The following NRG3 variants were observed in gnomAD, a reference collection of about 807,000 sequenced individuals.
NRG3 encodes the protein pro-neuregulin-3, membrane-bound isoform.
NRG3 carries 31 observed loss-of-function variants against 66.9 expected under a neutral mutation model. That is an observed-to-expected ratio of 0.46 (90% CI 0.35 to 0.63). The LOEUF is 0.63. NRG3 is among the 20% of genes least tolerant of loss of function. The probability of loss-of-function intolerance (pLI) is 0.00; values close to 1 mark genes in which losing one functional copy is unlikely to be tolerated. For synonymous variants in NRG3, 393 were observed against 359.4 expected (o/e 1.09, Z -1.06); for missense variants, 910 against 878.9 (o/e 1.04, Z -0.45).
intron 5 of NRG3, among the ~76,000 whole-genome samples, chr10:82,954,912 T>C (rs780494233): frequency 2.6e-5 from 4 of 151,660 alleles, no homozygotes; most frequent in Non-Finnish European, 5.9e-5. Context: ...CTTTCACTCA[T>C]AAAGGAAAGT....
intron 3 of NRG3, among the ~76,000 whole-genome samples, chr10:82,773,091 A>G (rs752477106): frequency 1.8e-4 from 27 of 152,042 alleles, no homozygotes; most frequent in Non-Finnish European, 3.7e-4. Context: ...CATCTCCTTT[A>G]TGTATATACC....
intron 1 of NRG3, among the ~76,000 whole-genome samples, chr10:81,948,398 A>G (rs1012598459): frequency 3.9e-5 from 6 of 152,174 alleles, no homozygotes; most frequent in African/African-American, 1.4e-4. Flanking sequence ...AGAAGGTCAT[A>G]GTTTATATTT....
chr10:82,749,501 T>C (rs1474996065), intron 3 of NRG3, among the ~76,000 whole-genome samples: 1 of 152,148 alleles, frequency 6.6e-6, no homozygotes, highest in Non-Finnish European at 1.5e-5. Flanking sequence ...ATCACTCCTA[T>C]AAGGTGTTTG....
intron 2 of NRG3, among the ~76,000 whole-genome samples, chr10:82,512,271 T>C (rs1017149105): frequency 4.0e-5 from 6 of 151,756 alleles, no homozygotes; most frequent in African/African-American, 1.4e-4. Context: ...GTATAATTTA[T>C]TTTTATTTAT....
chr10:82,933,182 T>C (rs1847748004), intron 4 of NRG3, among the ~76,000 whole-genome samples: 1 of 152,226 alleles, frequency 6.6e-6, no homozygotes, highest in Non-Finnish European at 1.5e-5. Flanking sequence ...CTCCAGTTCC[T>C]GGGAATCTCA....
chr10:81,964,581 T>C (rs898935120), intron 1 of NRG3, among the ~76,000 whole-genome samples: 2 of 152,088 alleles, frequency 1.3e-5, no homozygotes, highest in African/African-American at 2.4e-5. Context: ...TTTCTGACAT[T>C]GTTCTTTGTG....
chr10:82,260,026 T>C (rs2077942106), intron 1 of NRG3, among the ~76,000 whole-genome samples: 1 of 152,190 alleles, frequency 6.6e-6, no homozygotes, highest in African/African-American at 2.4e-5. Context: ...TTCCTGTTGC[T>C]ACAATGCCAT....
chr10:82,755,966 G>A (rs2059060651), intron 3 of NRG3, among the ~76,000 whole-genome samples: 1 of 152,056 alleles, frequency 6.6e-6, no homozygotes, highest in Non-Finnish European at 1.5e-5. Flanking sequence ...TCATACAAGT[G>A]TTCTTGCACC....
chr10:82,769,437 AT>A (rs1324596036), intron 3 of NRG3, among the ~76,000 whole-genome samples: 1 of 152,112 alleles, frequency 6.6e-6, no homozygotes, highest in Non-Finnish European at 1.5e-5. Flanking sequence ...ATGACTGTCG[AT>A]TTTAAATAAC....
chr10:81,930,253 G>A (rs2281471), intron 1 of NRG3, among the ~76,000 whole-genome samples: 9,689 of 152,188 alleles, frequency 0.064, 599 homozygotes, highest in East Asian at 0.22. Context: ...AAGTTAAAGA[G>A]TATGGTCTCC....
intron 3 of NRG3, among the ~76,000 whole-genome samples, chr10:82,818,544 T>A (rs1224477715): frequency 6.6e-6 from 1 of 152,214 alleles, no homozygotes; most frequent in Non-Finnish European, 1.5e-5. Context: ...GTCTGGACAC[T>A]GAGACCAGAA....
At chr10:82,048,512 C>T (rs1203347436) in intron 1 of NRG3, among the ~76,000 whole-genome samples, 10 of 151,318 alleles carry the variant, frequency 6.6e-5, no homozygotes, top group Non-Finnish European at 8.9e-5. Context: ...GGGTACATAA[C>T]GAAATGAAGG....
rs1246940236 is a variant in NRG3 at position 82,827,191 on chromosome 10, T to A, written c.1028-38220T>A. Reference sequence around the variant, plus strand: ...TTCATAGCCCATATGTGAGACTTTTTGTTACCAAATTGTAAAAAAAAAAAA... The same window carrying A: ...TTCATAGCCCATATGTGAGACTTTTAGTTACCAAATTGTAAAAAAAAAAAA... On this transcript the variant is annotated intron_variant, in intron 3 of 8. Transcript: ENST00000372141. 3 of 326,348 alleles carry A rather than the reference T, an allele frequency of 9.2e-6. No homozygotes were observed. The East Asian group carries it at 2.8e-4, about 30-fold the overall frequency. 20.2% of individuals were successfully genotyped at this position (326,348 alleles called of 1,614,324 possible). A position where few individuals can be genotyped will look rare whatever the true frequency, so the allele number is the denominator to read the frequency against.
intron 4 of NRG3, among the ~76,000 whole-genome samples, chr10:82,881,315 A>C (rs986440701): frequency 1.3e-5 from 2 of 152,250 alleles, no homozygotes; most frequent in African/African-American, 4.8e-5. Context: ...TGAGTTTTTG[A>C]GGAAGAAAGT....
At chr10:82,405,575 ACCT>A (rs2087455658) in intron 2 of NRG3, among the ~76,000 whole-genome samples, 1 of 150,222 alleles carries the variant, frequency 6.7e-6, no homozygotes, top group African/African-American at 2.5e-5. Context: ...TCATGCCTCA[ACCT>A]CCTGATGCAC....
chr10:82,865,501 G>T (rs1318252050), intron 4 of NRG3, 64 bp downstream of exon 4: 7 of 1,472,620 alleles, frequency 4.8e-6, no homozygotes, highest in African/African-American at 4.2e-5. Context: ...TGTACATAGT[G>T]CTTTCCTTCT....
intron 1 of NRG3, among the ~76,000 whole-genome samples, chr10:82,037,949 G>A (rs545612061): frequency 6.6e-6 from 1 of 150,568 alleles, no homozygotes; most frequent in Admixed American, 6.7e-5. Flanking sequence ...CAAAAGTCGT[G>A]GAAAGGAATC....
At chr10:82,919,243 G>T (rs1448109537) in intron 4 of NRG3, among the ~76,000 whole-genome samples, 1 of 152,100 alleles carries the variant, frequency 6.6e-6, no homozygotes, top group Non-Finnish European at 1.5e-5. Context: ...TATACATTTA[G>T]CATTGTACAT....
chr10:82,074,060 T>A (rs963007420), intron 1 of NRG3, among the ~76,000 whole-genome samples: 2 of 150,276 alleles, frequency 1.3e-5, no homozygotes, highest in Non-Finnish European at 2.9e-5. Flanking sequence ...TAGCATCAAA[T>A]AGTGATGAGT....
Sources: allele counts gnomAD v4.1 joint callset (sites outside exome capture counted in the v4.1 genomes callset), GRCh38; gene constraint gnomAD v4.1.1; transcripts MANE v1.5; gene names NCBI Gene and HGNC (gene_info 2026-07-23, HGNC 2026-07-21).